The following CYBRD1 variants were observed in gnomAD, a reference collection of about 807,000 sequenced individuals.
CYBRD1 encodes the protein plasma membrane ascorbate-dependent reductase CYBRD1.
In CYBRD1, 14 loss-of-function variants were observed where a neutral mutation model predicts 21.9. The observed-to-expected ratio is 0.64, with a 90% confidence interval of 0.42 to 1.00. The LOEUF (loss-of-function observed/expected upper bound fraction) is 1.00, where lower values mean the gene tolerates loss of function less well. Among genes scored for constraint, CYBRD1 ranks in the 50% least tolerant of loss-of-function variants. The pLI is 0.00. For synonymous variants in CYBRD1, 146 were observed against 136.5 expected (o/e 1.07, Z -0.48); for missense variants, 328 against 352.5 (o/e 0.93, Z 0.56).
At chr2:171,527,557 C>T (rs978326885) in intron 1 of CYBRD1, among the ~76,000 whole-genome samples, 5 of 152,206 alleles carry the variant, frequency 3.3e-5, no homozygotes, top group Non-Finnish European at 5.9e-5. Context: ...AAAGCACTGG[C>T]TTAGTCAACC....
At position 171,535,841 on chromosome 2, in the gene CYBRD1, G is replaced by T. The variant is rs138048652; in HGVS notation, c.194-5744G>T. 9.0e-3 allele frequency among the ~76,000 whole-genome samples: 1,361 copies of T among 151,980 alleles called. 20 individuals are homozygous for T. Among genetic ancestry groups the T allele is most frequent in the African/African-American group, 0.028 (1,142 of 41,450 alleles). On this transcript the variant is annotated intron_variant, in intron 1 of 3. Transcript: ENST00000321348. ...TCTTTGTAGAGATGAGGTTTCACTG[G>T]GTTGCCCAAGCTGGTCTTGAACTCC...
intron 1 of CYBRD1, among the ~76,000 whole-genome samples, chr2:171,527,049 A>T (rs1451673406): frequency 6.6e-6 from 1 of 152,210 alleles, no homozygotes; most frequent in Non-Finnish European, 1.5e-5. Flanking sequence ...GATTACTTAA[A>T]TAGACTTGAA....
intron 1 of CYBRD1, among the ~76,000 whole-genome samples, chr2:171,534,835 C>T (rs911443371): frequency 1.3e-5 from 2 of 152,160 alleles, no homozygotes; most frequent in Admixed American, 6.5e-5. Flanking sequence ...CCTAAGTACC[C>T]ACGACCCAGA....
chr2:171,534,450 A>G (rs779321636), intron 1 of CYBRD1, among the ~76,000 whole-genome samples: 14 of 152,248 alleles, frequency 9.2e-5, no homozygotes, highest in Non-Finnish European at 1.9e-4. Flanking sequence ...TGTTTAGGAA[A>G]TATGGCTTGG....
At chr2:171,525,524 G>T (rs2105328038) in intron 1 of CYBRD1, among the ~76,000 whole-genome samples, 1 of 152,214 alleles carries the variant, frequency 6.6e-6, no homozygotes, top group Admixed American at 6.5e-5. Flanking sequence ...GGCTGCGAGG[G>T]ACCCACATGT....
chr2:171,525,911 C>T (rs537929116), intron 1 of CYBRD1, among the ~76,000 whole-genome samples: 1 of 137,596 alleles, frequency 7.3e-6, no homozygotes, highest in Non-Finnish European at 1.5e-5. Flanking sequence ...CTTGCCATTG[C>T]ACTTCAGCCT....
At chr2:171,534,341 C>A (rs973123289) in intron 1 of CYBRD1, among the ~76,000 whole-genome samples, 3 of 152,082 alleles carry the variant, frequency 2.0e-5, no homozygotes, top group Non-Finnish European at 2.9e-5. Flanking sequence ...TCTCATTGAA[C>A]CTCAGGAATG....
At position 171,522,738 on chromosome 2, in the gene CYBRD1, G is replaced by C. The variant is rs951214472; in HGVS notation, c.193G>C (p.Ala65Pro). 1.2e-6 allele frequency: 2 copies of C among 1,613,390 alleles called. No individual in the cohort carries two copies. Among genetic ancestry groups the C allele is most frequent in the South Asian group, 1.1e-5 (1 of 90,756 alleles). The change falls in exon 1 of 4, where the codon GCC (alanine) becomes CCC (proline). Residue 65 changes from alanine (A) to proline (P), a missense_variant and splice_region_variant. Coordinates refer to ENST00000321348, the MANE Select transcript of CYBRD1 (RefSeq NM_024843.4). This position sits in a 1 kb window ranked among gnomAD's most constrained non-coding sequence, Gnocchi z 4.3. ...VTGFVFIQGIAIIVYRLPWTW... is the reference protein window; with the variant it reads ...VTGFVFIQGIPIIVYRLPWTW... ...CGGCTTCGTCTTCATCCAGGGCATCGGTACTGGCACCTCCTGGGGGGGTGC... is the reference window on the plus strand; with the variant it reads ...CGGCTTCGTCTTCATCCAGGGCATCCGTACTGGCACCTCCTGGGGGGGTGC...
At position 171,541,621 on chromosome 2, in the gene CYBRD1, G is replaced by T. The variant is rs767627618; in HGVS notation, c.230G>T (p.Cys77Phe). Residue 77 changes from cysteine (C) to phenylalanine (F), a missense_variant, in exon 2 of 4, where the codon TGC becomes TTC. By Grantham distance (205) the Cys-to-Phe change is radical. Transcript: ENST00000321348. Reference protein sequence around the residue: ...IVYRLPWTWKCSKLLMKSIHA... With the variant: ...IVYRLPWTWKFSKLLMKSIHA... ...TACAGACTGCCGTGGACCTGGAAAT[G>T]CAGCAAGCTCCTGATGAAATCCATC... The T allele has an allele frequency of 1.2e-6, 2 of 1,613,894 alleles. No homozygotes were observed. Among genetic ancestry groups the T allele is most frequent in the South Asian group, 2.2e-5 (2 of 91,066 alleles).
chr2:171,548,075 A>G (rs1697743915), intron 2 of CYBRD1, among the ~76,000 whole-genome samples: 1 of 152,148 alleles, frequency 6.6e-6, no homozygotes, highest in South Asian at 2.1e-4. Flanking sequence ...TTATAAAAAA[A>G]CTATGGGCAT....
upstream of CYBRD1, chr2:171,522,311 A>G (rs2105325251): frequency 6.5e-7 from 1 of 1,531,500 alleles, no homozygotes; most frequent in Non-Finnish European, 8.8e-7. This position sits in a 1 kb window ranked among gnomAD's most constrained non-coding sequence, Gnocchi z 4.3. Context: ...CCAGGCAATG[A>G]GCGCCCTCGG....
chr2:171,554,235 T>C (rs1365696014), intron 3 of CYBRD1, among the ~76,000 whole-genome samples: 2 of 152,220 alleles, frequency 1.3e-5, no homozygotes, highest in African/African-American at 4.8e-5. Context: ...TTTGGTTTAG[T>C]TCTAGGAAGT....
At position 171,546,863 on chromosome 2, in the gene CYBRD1, T is replaced by G. The variant is rs140658498; in HGVS notation, c.402+5070T>G. ...GGAAGAGTTTGTGGTATTTGAGGAG[T>G]AGGGAGGAGACCAGGCTGTCCAGAG... On this transcript the variant is annotated intron_variant, in intron 2 of 3. Coordinates refer to ENST00000321348, the MANE Select transcript of CYBRD1 (RefSeq NM_024843.4). 2.7e-3 allele frequency among the ~76,000 whole-genome samples: 412 copies of G among 151,576 alleles called. 3 individuals are homozygous for G. Among genetic ancestry groups the G allele is most frequent in the African/African-American group, 9.6e-3 (398 of 41,272 alleles).
intron 1 of CYBRD1, among the ~76,000 whole-genome samples, chr2:171,524,131 T>A (rs1285897334): frequency 1.7e-4 from 26 of 152,184 alleles, no homozygotes; most frequent in Admixed American, 1.7e-3. Flanking sequence ...CACTCTGGAA[T>A]GTAGTGGAAG....
At chr2:171,542,658 C>T (rs920951147) in intron 2 of CYBRD1, among the ~76,000 whole-genome samples, 1 of 152,178 alleles carries the variant, frequency 6.6e-6, no homozygotes, top group Non-Finnish European at 1.5e-5. Flanking sequence ...ACCAGTGGAT[C>T]GCTTAAGCCC....
In CYBRD1 at chr2:171,554,850, A is replaced by C. The variant is rs761745028; in HGVS notation, c.*23A>C. The stretch of plus-strand genomic sequence containing the variant: ...TAAAATGTTGTAGAGATAGAGCCAT[A>C]TAACGTCACGTTTCAAAACTAGCTC... On this transcript the variant is annotated 3_prime_UTR_variant, in exon 4 of 4. Transcript: ENST00000321348. The C allele has an allele frequency of 7.1e-5, 114 of 1,611,280 alleles. No homozygotes were observed. Among genetic ancestry groups the C allele is most frequent in the Non-Finnish European group, 9.5e-5 (112 of 1,179,340 alleles).
intron 3 of CYBRD1, 94 bp from the exon 4 acceptor site, chr2:171,554,430 G>A (rs1325206723): frequency 7.9e-7 from 1 of 1,265,314 alleles, no homozygotes; most frequent in Non-Finnish European, 1.1e-6. Context: ...CATTGAAACT[G>A]TACTAGTGTG....
intron 1 of CYBRD1, among the ~76,000 whole-genome samples, chr2:171,537,485 A>G (rs749986392): frequency 6.6e-6 from 1 of 152,182 alleles, no homozygotes; most frequent in Non-Finnish European, 1.5e-5. Flanking sequence ...TTGTTTATTT[A>G]AACAATACTT....
At chr2:171,544,564 G>A (rs1697682421) in intron 2 of CYBRD1, among the ~76,000 whole-genome samples, 1 of 152,078 alleles carries the variant, frequency 6.6e-6, no homozygotes, top group African/African-American at 2.4e-5. Flanking sequence ...AAATAGTTTT[G>A]TCTTTGATAT....
Sources: allele counts gnomAD v4.1 joint callset (sites outside exome capture counted in the v4.1 genomes callset), GRCh38; gene constraint gnomAD v4.1.1; non-coding constraint Gnocchi (gnomAD v3.1); transcripts MANE v1.5; gene names NCBI Gene and HGNC (gene_info 2026-07-23, HGNC 2026-07-21).